The following ZCCHC7 variants were observed in gnomAD, a reference collection of about 807,000 sequenced individuals.
ZCCHC7 encodes zinc finger CCHC-type containing 7.
Under a neutral mutation model 52.0 loss-of-function variants are expected in ZCCHC7, and 35 were observed. The ratio of observed to expected loss-of-function variants is 0.67; its 90% confidence interval spans 0.51 to 0.89. The LOEUF is 0.89. ZCCHC7 is among the 40% of genes least tolerant of loss of function. ZCCHC7 has a pLI of 0.00. For missense variants in ZCCHC7, 574 were observed against 649.1 expected, an observed-to-expected ratio of 0.88 and a Z score of 1.26; for synonymous variants, 217 against 221.5, an observed-to-expected ratio of 0.98 and a Z score of 0.18.
chr9:37,282,342 GCCT>G (rs1827997295), intron 2 of ZCCHC7, among the ~76,000 whole-genome samples: 1 of 152,046 alleles, frequency 6.6e-6, no homozygotes, highest in Admixed American at 6.5e-5. Context: ...GGTGGCTCAC[GCCT>G]GTAATCCCAG....
At chr9:37,224,325 T>C (rs1475830041) in intron 2 of ZCCHC7, among the ~76,000 whole-genome samples, 2 of 152,156 alleles carry the variant, frequency 1.3e-5, no homozygotes, top group African/African-American at 4.8e-5. Context: ...GTGTGGCAAC[T>C]ATCCCAGGAA....
In ZCCHC7 at chr9:37,206,794, C is replaced by T. The variant is rs138736685; in HGVS notation, c.610+79852C>T. Among the ~76,000 whole-genome samples the T allele has an allele frequency of 4.2e-3, 637 of 152,228 alleles. 10 individuals are homozygous for T. Among genetic ancestry groups the T allele is most frequent in the African/African-American group, 8.2e-3 (339 of 41,542 alleles). On this transcript the variant is annotated intron_variant, in intron 2 of 8. Coordinates refer to ENST00000336755, the MANE Select transcript of ZCCHC7 (RefSeq NM_032226.3). Reference sequence around the variant, plus strand: ...GACTACCTCCTCCCTTACAAGGTGGCCAGGAAACCTTCTCAATGTAAGATT... The same window carrying T: ...GACTACCTCCTCCCTTACAAGGTGGTCAGGAAACCTTCTCAATGTAAGATT...
chr9:37,324,657 T>C (rs1257572439), intron 5 of ZCCHC7, among the ~76,000 whole-genome samples: 4 of 152,170 alleles, frequency 2.6e-5, no homozygotes, highest in Non-Finnish European at 1.5e-5. Flanking sequence ...AAATACAGTA[T>C]TGGGGGTTTT....
chr9:37,301,053 A>G (rs1794986961), intron 2 of ZCCHC7, among the ~76,000 whole-genome samples: 1 of 152,242 alleles, frequency 6.6e-6, no homozygotes, highest in Admixed American at 6.5e-5. Flanking sequence ...ACCTAACCCT[A>G]TTAGTGAGAT....
intron 4 of ZCCHC7, 141 bp from the exon 5 acceptor site, chr9:37,305,402 AT>A: frequency 9.7e-7 from 1 of 1,035,676 alleles, no homozygotes; most frequent in African/African-American, 1.6e-5. Context: ...ATTTTGTTTG[AT>A]TTTTACAGTT....
chr9:37,236,278 T>A (rs2133336441), intron 2 of ZCCHC7, among the ~76,000 whole-genome samples: 1 of 152,358 alleles, frequency 6.6e-6, no homozygotes, highest in South Asian at 2.1e-4. Context: ...GGAAGATAAC[T>A]TTATTGTATA....
At chr9:37,327,690 T>C in intron 5 of ZCCHC7, 109 bp from the exon 6 acceptor site, 1 of 1,189,524 alleles carries the variant, frequency 8.4e-7, no homozygotes, top group Non-Finnish European at 1.2e-6. Flanking sequence ...CTGTTAAGCT[T>C]CTTATTTTCC....
intron 1 of ZCCHC7, among the ~76,000 whole-genome samples, chr9:37,126,028 A>G (rs145307835): frequency 9.4e-4 from 143 of 152,324 alleles, no homozygotes; most frequent in African/African-American, 3.3e-3. Flanking sequence ...TGAAGTTTGC[A>G]CGATGAAATC....
intron 2 of ZCCHC7, among the ~76,000 whole-genome samples, chr9:37,131,038 A>G (rs1842757312): frequency 6.6e-6 from 1 of 151,960 alleles, no homozygotes; most frequent in African/African-American, 2.4e-5. Flanking sequence ...TTTCAGTGAG[A>G]CATTATTATA....
rs752150180 is a variant in ZCCHC7, at chr9:37,298,182, A to C, written c.611-4006A>C. On this transcript the variant is annotated intron_variant, in intron 2 of 8. Transcript: ENST00000336755. Reference sequence around the variant, plus strand: ...CCATGCACATATAAAGATGTTTCTCATAACTACTATGCAGTAATTGTCTGT... The same window carrying C: ...CCATGCACATATAAAGATGTTTCTCCTAACTACTATGCAGTAATTGTCTGT... 1.3e-4 allele frequency among the ~76,000 whole-genome samples: 20 copies of C among 152,332 alleles called. No individual in the cohort carries two copies. The South Asian group carries it at 3.1e-3, about 24-fold the overall frequency.
chr9:37,209,185 C>T (rs1413937985), intron 2 of ZCCHC7, among the ~76,000 whole-genome samples: 4 of 152,086 alleles, frequency 2.6e-5, no homozygotes, highest in Admixed American at 6.5e-5. Context: ...GGACTACAGG[C>T]GCCCACAACC....
chr9:37,167,110 A>G (rs188352063), intron 2 of ZCCHC7, among the ~76,000 whole-genome samples: 7 of 152,282 alleles, frequency 4.6e-5, no homozygotes, highest in Admixed American at 2.6e-4. Flanking sequence ...GTTGTCTCAC[A>G]TATCAGTGAT....
chr9:37,207,618 A>T (rs757131277), intron 2 of ZCCHC7, among the ~76,000 whole-genome samples: 21 of 148,830 alleles, frequency 1.4e-4, no homozygotes, highest in Admixed American at 5.4e-4. Flanking sequence ...TGTGTCCTAC[A>T]GTTTATGATG....
In ZCCHC7 at chr9:37,253,214, G is replaced by C. The variant is rs558088965; in HGVS notation, c.611-48974G>C. 1.6e-4 allele frequency among the ~76,000 whole-genome samples: 25 copies of C among 151,630 alleles called. No individual in the cohort carries two copies. The East Asian group carries it at 4.3e-3, about 26-fold the overall frequency. ...ATGTGATTTCCCTTTATTTCCTGAA[G>C]AATAATAATTAGATTATGCTATTCT... On this transcript the variant is annotated intron_variant, in intron 2 of 8. Transcript: ENST00000336755.
intron 2 of ZCCHC7, among the ~76,000 whole-genome samples, chr9:37,241,807 G>A (rs991692461): frequency 2.6e-5 from 4 of 151,682 alleles, no homozygotes; most frequent in African/African-American, 4.8e-5. Context: ...TTTTCTAGCT[G>A]CATCCCTATT....
chr9:37,204,380 C>T (rs1482788176), intron 2 of ZCCHC7, among the ~76,000 whole-genome samples: 3 of 152,074 alleles, frequency 2.0e-5, no homozygotes, highest in Non-Finnish European at 2.9e-5. Flanking sequence ...AAATCTTTGC[C>T]CATGCCTATG....
intron 2 of ZCCHC7, among the ~76,000 whole-genome samples, chr9:37,212,633 C>T (rs1044367261): frequency 2.0e-5 from 3 of 152,156 alleles, no homozygotes; most frequent in Non-Finnish European, 4.4e-5. Context: ...CTTAAGGCAG[C>T]CCAGCCTTAC....
chr9:37,321,596 T>G (rs1334117044), intron 5 of ZCCHC7, among the ~76,000 whole-genome samples: 2 of 151,976 alleles, frequency 1.3e-5, no homozygotes, highest in Non-Finnish European at 2.9e-5. Flanking sequence ...AGACTCCATC[T>G]CTACAAAAAA....
intron 2 of ZCCHC7, among the ~76,000 whole-genome samples, chr9:37,212,059 A>AAAG (rs1824263568): frequency 2.1e-5 from 3 of 145,574 alleles, no homozygotes; most frequent in African/African-American, 7.6e-5. Context: ...AAAAAAAAAA[A>AAAG]AAAAAAGAAA....
Sources: allele counts gnomAD v4.1 joint callset (sites outside exome capture counted in the v4.1 genomes callset), GRCh38; gene constraint gnomAD v4.1.1; transcripts MANE v1.5; gene names NCBI Gene and HGNC (gene_info 2026-07-23, HGNC 2026-07-21).